BMP6: variants seen among roughly 807,000 people sequenced by gnomAD.
BMP6 encodes VG-1-R.
Under a neutral mutation model 54.1 loss-of-function variants are expected in BMP6, and 17 were observed. The observed-to-expected ratio is 0.31, with a 90% confidence interval of 0.22 to 0.47. The LOEUF is 0.47. BMP6 is among the 20% of genes least tolerant of loss of function. BMP6 has a pLI of 1.00. For synonymous variants in BMP6, 328 were observed against 291.2 expected (o/e 1.13, Z -1.28); for missense variants, 720 against 690.4 (o/e 1.04, Z -0.48).
At position 7,880,287 on chromosome 6, in the gene BMP6, A is replaced by G. The variant is rs1319733106; in HGVS notation, c.1486A>G (p.Asn496Asp). Reference protein sequence around the residue: ...ISVLYFDDNSNVILKKYRNMV... With the variant: ...ISVLYFDDNSDVILKKYRNMV... ...GGTTCTTTACTTTGATGACAACTCC[A>G]ATGTCATTCTGAAAAAATACAGGAA... Residue 496 changes from asparagine to aspartate, a missense_variant, in exon 7 of 7, where the codon AAT (asparagine) becomes GAT (aspartate). Asn to Asp is a conservative substitution (Grantham distance 23). Transcript: ENST00000283147. 1 of 1,614,196 alleles carries G rather than the reference A, an allele frequency of 6.2e-7. No individual in the cohort carries two copies. The highest frequency in any genetic ancestry group is 1.1e-5 in the South Asian group (1 of 91,086).
rs1449236695 is a variant in BMP6, at chr6:7,736,284, GCA to G, written c.664+8666_664+8667del. On this transcript the variant is annotated intron_variant, in intron 1 of 6. Transcript: ENST00000283147. ...TTGTGCCCTGTTTGATCCATGCTAG[GCA>G]GGATTTGGGGGAGTAAAATAAAGAA... Among the ~76,000 whole-genome samples the G allele has an allele frequency of 4.6e-5, 7 of 152,284 alleles. No individual in the cohort carries two copies. The East Asian group carries it at 1.4e-3, about 29-fold the overall frequency.
rs201531160 is a variant in BMP6 at position 7,727,575 on chromosome 6, C to G, written c.620C>G (p.Ala207Gly). The change falls in exon 1 of 7, where the codon GCC (alanine) becomes GGC (glycine). Residue 207 changes from alanine to glycine, a missense_variant. Physicochemically the swap from Ala to Gly is moderately conservative, Grantham distance 60. Transcript: ENST00000283147. ...CCACTGACCAGCGCGCAGGACAGCGCCTTCCTCAACGACGCGGACATGGTC... is the reference window on the plus strand; with the variant it reads ...CCACTGACCAGCGCGCAGGACAGCGGCTTCCTCAACGACGCGGACATGGTC... ...ASPLTSAQDS[A>G]FLNDADMVMS... 6.3e-7 allele frequency: 1 copy of G among 1,583,410 alleles called. No homozygotes were observed. The highest frequency in any genetic ancestry group is 1.1e-5 in the South Asian group (1 of 88,666).
intron 1 of BMP6, among the ~76,000 whole-genome samples, chr6:7,791,651 C>T (rs939885764): frequency 2.6e-5 from 4 of 152,204 alleles, no homozygotes; most frequent in African/African-American, 9.6e-5. Context: ...TCCCAGAAGC[C>T]CCTCAAATTC....
rs546620476 is a variant in BMP6, at chr6:7,731,405, A to G, written c.664+3786A>G. Among the ~76,000 whole-genome samples, 737 of 152,300 alleles carry G rather than the reference A, an allele frequency of 4.8e-3. 2 individuals are homozygous for G. Among genetic ancestry groups the G allele is most frequent in the African/African-American group, 0.016 (668 of 41,548 alleles). On this transcript the variant is annotated intron_variant, in intron 1 of 6. Transcript: ENST00000283147. Reference sequence around the variant, plus strand: ...ATGCCTCCATCCCACCCACTTCTGTACCATGACAGCACTCTGCTTATTTCC... The same window carrying G: ...ATGCCTCCATCCCACCCACTTCTGTGCCATGACAGCACTCTGCTTATTTCC...
At chr6:7,869,438 C>T (rs1041759295) in intron 4 of BMP6, among the ~76,000 whole-genome samples, 7 of 152,212 alleles carry the variant, frequency 4.6e-5, no homozygotes, top group African/African-American at 1.7e-4. Flanking sequence ...GGGTATGACC[C>T]CTGCATTGGG....
intron 1 of BMP6, among the ~76,000 whole-genome samples, chr6:7,733,190 G>A (rs142448612): frequency 1.6e-3 from 247 of 152,270 alleles, no homozygotes; most frequent in Non-Finnish European, 2.7e-3. Context: ...ACAGGCTCAC[G>A]CCACTGCGTC....
intron 1 of BMP6, among the ~76,000 whole-genome samples, chr6:7,747,435 G>T (rs955925444): frequency 2.6e-5 from 4 of 152,198 alleles, no homozygotes; most frequent in Non-Finnish European, 5.9e-5. Context: ...GGAGGAAGGG[G>T]TCCCCAGGCC....
intron 2 of BMP6, among the ~76,000 whole-genome samples, chr6:7,858,811 A>G (rs959187621): frequency 6.7e-6 from 1 of 149,906 alleles, no homozygotes; most frequent in South Asian, 2.2e-4. Flanking sequence ...TCCTAGATCT[A>G]AACATTGAAG....
chr6:7,798,200 T>G (rs148564485), intron 1 of BMP6, among the ~76,000 whole-genome samples: 1 of 152,272 alleles, frequency 6.6e-6, no homozygotes, highest in East Asian at 1.9e-4. Context: ...TTCTGTAGAG[T>G]CCATTAGGCT....
intron 2 of BMP6, among the ~76,000 whole-genome samples, chr6:7,848,641 G>A (rs1297247617): frequency 6.6e-6 from 1 of 152,216 alleles, no homozygotes; most frequent in Non-Finnish European, 1.5e-5. Flanking sequence ...TTTCTTTGCT[G>A]TAATACCTGC....
At position 7,845,345 on chromosome 6, in the gene BMP6, G is replaced by A. The variant is rs371503542; in HGVS notation, c.857+13G>A. 1.9e-4 allele frequency: 308 copies of A among 1,603,030 alleles called. 1 individual carries two copies. The highest frequency in any genetic ancestry group is 2.4e-4 in the Non-Finnish European group (278 of 1,173,386). On this transcript the variant is annotated intron_variant, in intron 2 of 6. Transcript: ENST00000283147. The stretch of plus-strand genomic sequence containing the variant: ...AGCATCAGCACAGGTATGAAGGCTC[G>A]AGAAAGCCCCAAAGGTGGGGCTGGC...
Position 7,835,215 on chromosome 6 carries a change from C to T in BMP6, c.665-9925C>T, listed in dbSNP as rs1041311001. Among the ~76,000 whole-genome samples the T allele has an allele frequency of 2.0e-5, 3 of 152,286 alleles. No homozygotes were observed. The East Asian group carries it at 5.8e-4, about 29-fold the overall frequency. On this transcript the variant is annotated intron_variant, in intron 1 of 6. Coordinates refer to ENST00000283147, the MANE Select transcript of BMP6 (RefSeq NM_001718.6). The stretch of plus-strand genomic sequence containing the variant: ...TCGGCTCACTGCCAGCTCCGCCTCC[C>T]GGGTTCACGCCATTCTCCTGCCTCA...
chr6:7,766,676 A>G (rs897032224), intron 1 of BMP6, among the ~76,000 whole-genome samples: 1 of 152,236 alleles, frequency 6.6e-6, no homozygotes, highest in African/African-American at 2.4e-5. Context: ...TGTAATTCAT[A>G]GACAATTTCC....
At chr6:7,748,874 C>G (rs1375704374) in intron 1 of BMP6, among the ~76,000 whole-genome samples, 1 of 152,174 alleles carries the variant, frequency 6.6e-6, no homozygotes, top group Non-Finnish European at 1.5e-5. Context: ...TGTGAATTTC[C>G]TGCTATGTTA....
In BMP6 at chr6:7,835,833, C is replaced by CA. The variant is rs34929950; in HGVS notation, c.665-9305dup. Among the ~76,000 whole-genome samples, 1,249 of 150,260 alleles carry CA rather than the reference C, an allele frequency of 8.3e-3. 23 individuals are homozygous for CA. Among genetic ancestry groups the CA allele is most frequent in the African/African-American group, 0.03 (1,209 of 40,206 alleles). ...TAGTGGTAGCTACTGAGCATCTCCCCAATTTTTTTTTTTCTTTTTTTGAGA... is the reference window on the plus strand; with the variant it reads ...TAGTGGTAGCTACTGAGCATCTCCCCAAATTTTTTTTTTTCTTTTTTTGAGA... On this transcript the variant is annotated intron_variant, in intron 1 of 6. Transcript: ENST00000283147.
chr6:7,833,864 T>C (rs185917008), intron 1 of BMP6, among the ~76,000 whole-genome samples: 1 of 152,320 alleles, frequency 6.6e-6, no homozygotes, highest in Admixed American at 6.5e-5. Context: ...TCTGGAAGTA[T>C]TGCAGAGTAG....
At chr6:7,765,999 T>G (rs1022047686) in intron 1 of BMP6, among the ~76,000 whole-genome samples, 10 of 152,132 alleles carry the variant, frequency 6.6e-5, no homozygotes, top group Non-Finnish European at 1.3e-4. Flanking sequence ...CCTTTCTCCA[T>G]CTCAAAAATC....
At chr6:7,739,748 G>C (rs1461062036) in intron 1 of BMP6, among the ~76,000 whole-genome samples, 2 of 152,178 alleles carry the variant, frequency 1.3e-5, no homozygotes, top group East Asian at 3.9e-4. Context: ...CTTGTGGTCT[G>C]ACTTCCATCC....
intron 1 of BMP6, among the ~76,000 whole-genome samples, chr6:7,778,208 G>A (rs1581243706): frequency 6.6e-6 from 1 of 152,200 alleles, no homozygotes; most frequent in African/African-American, 2.4e-5. Context: ...AAAGCAGTGG[G>A]TGTACACAGG....
Sources: gnomAD v4.1 joint callset for allele counts (sites outside exome capture counted in the v4.1 genomes callset) on GRCh38, gnomAD v4.1.1 for gene constraint, MANE v1.5 for transcripts, NCBI Gene and HGNC (gene_info 2026-07-23, HGNC 2026-07-21) for gene names.